USP15: variants seen among roughly 807,000 people sequenced by gnomAD.
The protein encoded by USP15 is ubiquitin specific peptidase 15.
A neutral mutation model predicts 127.1 loss-of-function variants in USP15; 18 were observed. That is an observed-to-expected ratio of 0.14 (90% CI 0.10 to 0.21). The LOEUF (loss-of-function observed/expected upper bound fraction) is 0.21, where lower values mean the gene tolerates loss of function less well. USP15 is among the 10% of genes least tolerant of loss of function. USP15 has a pLI of 1.00. For synonymous variants in USP15, 364 were observed against 393.7 expected, an observed-to-expected ratio of 0.92 and a Z score of 0.89; for missense variants, 805 against 1,159.9, an observed-to-expected ratio of 0.69 and a Z score of 4.44.
chr12:62,363,232 C>T (rs1257730340), intron 8 of USP15, among the ~76,000 whole-genome samples: 6 of 152,150 alleles, frequency 3.9e-5, no homozygotes, highest in Non-Finnish European at 8.8e-5. Context: ...TCGTTTCAAA[C>T]CTAAGGCATT....
intron 8 of USP15, among the ~76,000 whole-genome samples, chr12:62,372,005 G>A (rs2137529386): frequency 6.6e-6 from 1 of 152,154 alleles, no homozygotes; most frequent in African/African-American, 2.4e-5. Context: ...GCAAGAATTA[G>A]TGAAATGTAC....
At chr12:62,372,271 T>C (rs372859972) in intron 8 of USP15, among the ~76,000 whole-genome samples, 1 of 152,120 alleles carries the variant, frequency 6.6e-6, no homozygotes, top group African/African-American at 2.4e-5. Context: ...TCTTGGACCA[T>C]ATACGGTCCT....
intron 3 of USP15, among the ~76,000 whole-genome samples, chr12:62,312,884 A>G (rs1358935481): frequency 6.6e-6 from 1 of 151,668 alleles, no homozygotes; most frequent in East Asian, 1.9e-4. Context: ...CAAATAATCT[A>G]CATGTGACCA....
chr12:62,396,178 A>G (rs977802017), intron 19 of USP15, 117 bp from the exon 20 acceptor site: 8 of 532,498 alleles, frequency 1.5e-5, no homozygotes, highest in Middle Eastern at 5.1e-4. Context: ...AGATAGATAT[A>G]TATAGATGGA....
chr12:62,336,617 C>T (rs1281317223), intron 6 of USP15: 1 of 499,274 alleles, frequency 2.0e-6, no homozygotes, highest in Non-Finnish European at 2.6e-6. Flanking sequence ...CAGTACAAAA[C>T]CATTGTATTT....
At chr12:62,392,967 CT>C in intron 18 of USP15, 85 bp from the exon 19 acceptor site, 1 of 1,482,526 alleles carries the variant, frequency 6.7e-7, no homozygotes, top group Admixed American at 2.0e-5. Flanking sequence ...AAATGTAGAA[CT>C]TTCCAAACAT....
At chr12:62,349,983 G>A (rs1482192362) in intron 7 of USP15, among the ~76,000 whole-genome samples, 2 of 151,718 alleles carry the variant, frequency 1.3e-5, no homozygotes, top group Non-Finnish European at 2.9e-5. Context: ...AGCCCAAATT[G>A]TGGGAAGAAC....
intron 8 of USP15, among the ~76,000 whole-genome samples, chr12:62,366,148 C>G (rs185808277): frequency 2.8e-4 from 42 of 152,278 alleles, no homozygotes; most frequent in African/African-American, 9.9e-4. Context: ...GGAAGCATGG[C>G]CATTTTCACA....
At chr12:62,348,725 C>A (rs909595711) in intron 6 of USP15, among the ~76,000 whole-genome samples, 10 of 151,982 alleles carry the variant, frequency 6.6e-5, no homozygotes, top group Non-Finnish European at 1.2e-4. Flanking sequence ...TCCCTTTGGC[C>A]AAATATAGCA....
At chr12:62,368,964 T>C (rs2137514376) in intron 8 of USP15, among the ~76,000 whole-genome samples, 1 of 152,266 alleles carries the variant, frequency 6.6e-6, no homozygotes, top group South Asian at 2.1e-4. Context: ...TCCGTGTTTT[T>C]AGTAGCTAAT....
rs1592749505 is a variant in USP15 at position 62,405,297 on chromosome 12, AG to A, written c.*923del. The A allele has an allele frequency of 6.6e-6, 1 of 152,224 alleles. No individual in the cohort carries two copies. Among genetic ancestry groups the A allele is most frequent in the African/African-American group, 2.4e-5 (1 of 41,562 alleles). 9.4% of individuals were successfully genotyped at this position (152,224 alleles called of 1,614,324 possible). ...TGTACCCATAGTAATAATTGCATCAAGCTTAGATGAGAAATTTTTTTCATAT... is the reference window on the plus strand; with the variant it reads ...TGTACCCATAGTAATAATTGCATCAACTTAGATGAGAAATTTTTTTCATAT... On this transcript the variant is annotated 3_prime_UTR_variant, in exon 22 of 22. Coordinates refer to ENST00000280377, the MANE Select transcript of USP15 (RefSeq NM_001252078.2).
chr12:62,287,589 T>A (rs1395634944), intron 1 of USP15, among the ~76,000 whole-genome samples: 3 of 152,186 alleles, frequency 2.0e-5, no homozygotes, highest in Admixed American at 2.0e-4. Context: ...CTTTTGTCTA[T>A]TTTTGTTTTT....
intron 4 of USP15, among the ~76,000 whole-genome samples, chr12:62,319,267 G>A (rs1446440621): frequency 2.6e-5 from 4 of 152,090 alleles, no homozygotes; most frequent in South Asian, 4.1e-4. Flanking sequence ...GAACAGCAAG[G>A]GGGAAATCTG....
rs144671705 is a variant in USP15 at position 62,380,381 on chromosome 12, G to A, written c.916-1109G>A. ...TATTTTGGAATTTTAGCTAAACAAT[G>A]CATAGTATATAGTCGTAGTTTATGG... On this transcript the variant is annotated intron_variant, in intron 8 of 21. Coordinates refer to ENST00000280377, the MANE Select transcript of USP15 (RefSeq NM_001252078.2). Among the ~76,000 whole-genome samples the A allele has an allele frequency of 4.5e-3, 688 of 152,032 alleles. 6 individuals are homozygous for A. The highest frequency in any genetic ancestry group is 0.015 in the African/African-American group (635 of 41,502).
At chr12:62,347,011 G>T (rs2065839216) in intron 6 of USP15, among the ~76,000 whole-genome samples, 1 of 150,682 alleles carries the variant, frequency 6.6e-6, no homozygotes, top group African/African-American at 2.4e-5. Context: ...ATTAGAATTT[G>T]TTATCATACT....
At chr12:62,262,322 T>TG (rs1246064468) in intron 1 of USP15, among the ~76,000 whole-genome samples, 1 of 152,218 alleles carries the variant, frequency 6.6e-6, no homozygotes, top group Non-Finnish European at 1.5e-5. Context: ...AGGACACCCA[T>TG]GTTTACCTTG....
At chr12:62,317,084 G>A (rs1175218481) in intron 4 of USP15, among the ~76,000 whole-genome samples, 1 of 152,040 alleles carries the variant, frequency 6.6e-6, no homozygotes, top group African/African-American at 2.4e-5. Flanking sequence ...GGAGATATTA[G>A]AATACAAAAT....
intron 7 of USP15, among the ~76,000 whole-genome samples, chr12:62,353,097 C>T (rs771769406): frequency 1.3e-5 from 2 of 151,858 alleles, no homozygotes; most frequent in Admixed American, 1.3e-4. Context: ...TTTTCCATGA[C>T]AAGCCTTAAT....
At chr12:62,390,815 T>C (rs766769738) in intron 14 of USP15, 49 bp from the exon 15 acceptor site, 1 of 1,396,282 alleles carries the variant, frequency 7.2e-7, no homozygotes, top group South Asian at 1.3e-5. Context: ...TTTTTAAAAG[T>C]TTTTATCTTT....
Sources: gnomAD v4.1 joint callset for allele counts (sites outside exome capture counted in the v4.1 genomes callset) on GRCh38, gnomAD v4.1.1 for gene constraint, MANE v1.5 for transcripts, NCBI Gene and HGNC (gene_info 2026-07-23, HGNC 2026-07-21) for gene names.